Variants in PGM1 observed in about 807,000 individuals in gnomAD.
PGM1 encodes the protein phosphoglucomutase-1.
A neutral mutation model predicts 55.6 loss-of-function variants in PGM1; 52 were observed. The observed-to-expected ratio is 0.94, with a 90% CI of 0.75 to 1.18. PGM1 has a LOEUF of 1.18. PGM1 is among the 50% of genes most tolerant of loss of function. The pLI, the probability that PGM1 is intolerant of heterozygous loss-of-function variation, is 0.00. For missense variants in PGM1, 724 were observed against 729.3 expected (o/e 0.99, Z 0.08); for synonymous variants, 287 against 271.7 (o/e 1.06, Z -0.55).
intron 9 of PGM1, among the ~76,000 whole-genome samples, chr1:63,653,795 C>T (rs376078110): frequency 2.5e-4 from 38 of 152,274 alleles, no homozygotes; most frequent in African/African-American, 9.1e-4. Context: ...GCCACTGGCT[C>T]CTGCTTGTTA....
chr1:63,658,658 A>G (rs1198962745), intron 10 of PGM1, among the ~76,000 whole-genome samples: 4 of 152,094 alleles, frequency 2.6e-5, no homozygotes, highest in African/African-American at 9.6e-5. Context: ...AGGCTGAGGC[A>G]GGAGAATTGC....
At chr1:63,635,195 T>C (rs768288597) in intron 5 of PGM1, among the ~76,000 whole-genome samples, 176 bp downstream of exon 5, 16 of 152,158 alleles carry the variant, frequency 1.1e-4, no homozygotes, top group Non-Finnish European at 2.1e-4. Context: ...ATAGGAGTCA[T>C]TGAAATGAAA....
chr1:63,632,542 G>A (rs1222871023), intron 4 of PGM1, among the ~76,000 whole-genome samples: 1 of 152,158 alleles, frequency 6.6e-6, no homozygotes, highest in Non-Finnish European at 1.5e-5. Flanking sequence ...CTGGCCTCTG[G>A]ACTCCCATAG....
chr1:63,658,395 CTCTT>C (rs1288992112), intron 10 of PGM1, among the ~76,000 whole-genome samples: 7 of 126,788 alleles, frequency 5.5e-5, no homozygotes, highest in South Asian at 2.5e-4. Context: ...ACAGAATTCT[CTCTT>C]TTTTTTTTTT....
chr1:63,601,550 G>C (rs988668550), intron 1 of PGM1, among the ~76,000 whole-genome samples: 4 of 152,192 alleles, frequency 2.6e-5, no homozygotes, highest in South Asian at 2.1e-4. Context: ...CTTTGAAGCT[G>C]TGCTCACAGT....
chr1:63,647,259 C>CATATTT (rs1649673538), intron 7 of PGM1, among the ~76,000 whole-genome samples: 1 of 55,446 alleles, frequency 1.8e-5, no homozygotes, highest in Non-Finnish European at 3.4e-5. Context: ...TAAAATTTTA[C>CATATTT]ATATATATAT....
Position 63,622,701 on chromosome 1 carries a change from G to C in PGM1, c.247-6724G>C, listed in dbSNP as rs368652010. ...CTGTTGGTTATTCAGGGCAACTTTG[G>C]AGGTATCTGTTCTTCTAGAACTGAA... On this transcript the variant is annotated intron_variant, in intron 1 of 10. Transcript: ENST00000371084. Among the ~76,000 whole-genome samples the C allele has an allele frequency of 7.3e-4, 111 of 152,272 alleles. 1 individual carries two copies. In the Middle Eastern group the frequency reaches 0.01, roughly 14 times the overall value.
At chr1:63,609,940 A>G (rs1356301048) in intron 1 of PGM1, among the ~76,000 whole-genome samples, 6 of 152,196 alleles carry the variant, frequency 3.9e-5, no homozygotes, top group Admixed American at 1.3e-4. Flanking sequence ...TCAACTTACA[A>G]TGGGTTCCAA....
intron 1 of PGM1, among the ~76,000 whole-genome samples, chr1:63,612,445 A>G (rs1557705733): frequency 6.6e-6 from 1 of 152,214 alleles, no homozygotes; most frequent in Non-Finnish European, 1.5e-5. Context: ...TTATACATTT[A>G]TAGACGCAAA....
At position 63,629,312 on chromosome 1, in the gene PGM1, C is replaced by T. The variant is rs1042745666; in HGVS notation, c.247-113C>T. The T allele has an allele frequency of 1.4e-5, 12 of 885,446 alleles. No homozygotes were observed. In the East Asian group the frequency reaches 2.7e-4, roughly 20 times the overall value. The allele number at this position is 885,446 out of a possible 1,614,324, so 54.8% of individuals were successfully genotyped here. On this transcript the variant is annotated intron_variant, in intron 1 of 10. Transcript: ENST00000371084. ...TTAAATAAAATCTTTTCTTGTCCAA[C>T]AGATTATTACTATTATTTTTTTGTC...
intron 1 of PGM1, among the ~76,000 whole-genome samples, chr1:63,626,202 A>C (rs539872454): frequency 6.6e-6 from 1 of 152,296 alleles, no homozygotes; most frequent in East Asian, 1.9e-4. Context: ...GAGCCAGGAA[A>C]GGTAAAATGT....
At chr1:63,595,145 A>G (rs1648023265) in intron 1 of PGM1, among the ~76,000 whole-genome samples, 1 of 152,120 alleles carries the variant, frequency 6.6e-6, no homozygotes. Context: ...ATTCATTTTA[A>G]TAGTACTTTA....
intron 1 of PGM1, among the ~76,000 whole-genome samples, chr1:63,596,441 G>C (rs1648074616): frequency 6.6e-6 from 1 of 151,590 alleles, no homozygotes; most frequent in South Asian, 2.1e-4. Flanking sequence ...ATTTTTAGTA[G>C]AGATGAGGTT....
rs989555086 is a variant in PGM1 at position 63,651,894 on chromosome 1, G to A, written c.1464+42G>A. The stretch of plus-strand genomic sequence containing the variant: ...GTGTAAGTGAGAGAGAGACCTCAGA[G>A]CTTCATCTCTGACATCTCAAGGGAA... On this transcript the variant is annotated intron_variant, in intron 9 of 10. Coordinates refer to ENST00000371084, the MANE Select transcript of PGM1 (RefSeq NM_002633.3). 4 of 1,541,366 alleles carry A rather than the reference G, an allele frequency of 2.6e-6. No homozygotes were observed. The Admixed American group carries it at 6.7e-5, about 26-fold the overall frequency.
At chr1:63,636,905 T>C (rs192587695) in intron 6 of PGM1, among the ~76,000 whole-genome samples, 5 of 152,298 alleles carry the variant, frequency 3.3e-5, no homozygotes, top group Admixed American at 6.5e-5. Flanking sequence ...ATTTTAGAGT[T>C]TCAACGACTG....
At chr1:63,600,730 C>T (rs1648219030) in intron 1 of PGM1, among the ~76,000 whole-genome samples, 1 of 152,028 alleles carries the variant, frequency 6.6e-6, no homozygotes, top group African/African-American at 2.4e-5. Flanking sequence ...GACTTCCAGA[C>T]AGAGGAAGAG....
At position 63,633,926 on chromosome 1, in the gene PGM1, ATATATAT is replaced by A. The variant is rs1649280960; in HGVS notation, c.683-901_683-895del. On this transcript the variant is annotated intron_variant, in intron 4 of 10. Transcript: ENST00000371084. ...TGTGTGTGTGTGTGTGTGTATATAT[ATATATAT>A]TTTTTTTTTTTTTTTTTTTTTTTTT... 8.3e-4 allele frequency among the ~76,000 whole-genome samples: 54 copies of A among 64,790 alleles called. 2 individuals are homozygous for A. The highest frequency in any genetic ancestry group is 5.1e-3 in the African/African-American group (53 of 10,404). 42.5% of individuals were successfully genotyped at this position (64,790 alleles called of 152,430 possible). A position where few individuals can be genotyped will look rare whatever the true frequency, so the allele number is the denominator to read the frequency against.
chr1:63,648,304 T>G (rs1267844815), intron 7 of PGM1, among the ~76,000 whole-genome samples: 1 of 152,116 alleles, frequency 6.6e-6, no homozygotes, highest in Admixed American at 6.6e-5. Flanking sequence ...GGAAGTGCTA[T>G]ATACTTTTAA....
intron 1 of PGM1, among the ~76,000 whole-genome samples, chr1:63,629,134 A>T (rs1649118150): frequency 4.6e-5 from 7 of 152,122 alleles, no homozygotes. Flanking sequence ...GGCTCTTTTT[A>T]ATATGCTGTG....
Sources: gnomAD v4.1 joint callset for allele counts (sites outside exome capture counted in the v4.1 genomes callset) on GRCh38, gnomAD v4.1.1 for gene constraint, MANE v1.5 for transcripts, NCBI Gene and HGNC (gene_info 2026-07-23, HGNC 2026-07-21) for gene names.